Variants in NBEA observed in about 807,000 individuals in gnomAD.
NBEA encodes the protein lysosomal-trafficking regulator 2.
Under a neutral mutation model 343.4 loss-of-function variants are expected in NBEA, and 44 were observed. The ratio of observed to expected loss-of-function variants is 0.13; its 90% confidence interval spans 0.10 to 0.16. The LOEUF is 0.16. Ranked by LOEUF, NBEA falls within the 10% of genes least tolerant of loss-of-function variation. NBEA has a pLI of 1.00. For synonymous variants in NBEA, 1,175 were observed against 1,238.7 expected, an observed-to-expected ratio of 0.95 and a Z score of 1.08; for missense variants, 2,555 against 3,631.3, an observed-to-expected ratio of 0.70 and a Z score of 7.62.
At chr13:35,205,710 T>C (rs1453410907) in intron 31 of NBEA, among the ~76,000 whole-genome samples, 1 of 152,096 alleles carries the variant, frequency 6.6e-6, no homozygotes, top group African/African-American at 2.4e-5. Flanking sequence ...CCAGACTATA[T>C]CAGCACTTTT....
intron 38 of NBEA, among the ~76,000 whole-genome samples, chr13:35,386,075 G>A (rs1409892028): frequency 6.6e-6 from 1 of 151,988 alleles, no homozygotes; most frequent in East Asian, 1.9e-4. Flanking sequence ...TTTATAAATA[G>A]ATAAAATAAA....
chr13:35,290,917 A>G (rs1477218927), intron 35 of NBEA, among the ~76,000 whole-genome samples: 2 of 151,648 alleles, frequency 1.3e-5, no homozygotes, highest in African/African-American at 4.8e-5. Flanking sequence ...CTCTTTTTTA[A>G]ATGTAATTTG....
At chr13:35,422,230 G>C (rs1211971256) in intron 38 of NBEA, among the ~76,000 whole-genome samples, 4 of 150,702 alleles carry the variant, frequency 2.7e-5, no homozygotes, top group African/African-American at 9.7e-5. Context: ...CACGTGCCAT[G>C]TTGGTATGCT....
chr13:35,624,662 A>G (rs35803970), intron 48 of NBEA, among the ~76,000 whole-genome samples: 4,598 of 152,212 alleles, frequency 0.03, 254 homozygotes, highest in African/African-American at 0.11. Context: ...GATAATTAAG[A>G]TAAGGTAATA....
At chr13:35,586,053 C>A (rs939870180) in intron 46 of NBEA, among the ~76,000 whole-genome samples, 2 of 152,152 alleles carry the variant, frequency 1.3e-5, no homozygotes, top group Non-Finnish European at 2.9e-5. Context: ...TAAATTAAAT[C>A]TCTTAATCAA....
At chr13:35,298,237 ATATATATATATG>A (rs1424333266) in intron 35 of NBEA, among the ~76,000 whole-genome samples, 27 of 128,034 alleles carry the variant, frequency 2.1e-4, no homozygotes, top group Non-Finnish European at 2.7e-4. Context: ...ATATATATAT[ATATATATATATG>A]TATATGCTTC....
intron 36 of NBEA, among the ~76,000 whole-genome samples, chr13:35,332,281 G>T (rs1412218365): frequency 6.6e-6 from 1 of 151,984 alleles, no homozygotes; most frequent in Non-Finnish European, 1.5e-5. Flanking sequence ...ATTGGGAGAG[G>T]TCTCTTAGCT....
intron 48 of NBEA, among the ~76,000 whole-genome samples, chr13:35,617,485 C>A (rs2082785902): frequency 6.6e-6 from 1 of 152,118 alleles, no homozygotes; most frequent in Non-Finnish European, 1.5e-5. Flanking sequence ...GGGAAAGCTA[C>A]CTTGTGTGTC....
intron 43 of NBEA, among the ~76,000 whole-genome samples, chr13:35,553,864 G>T (rs1402503178): frequency 6.6e-6 from 1 of 152,160 alleles, no homozygotes; most frequent in African/African-American, 2.4e-5. Context: ...GCTCGAGTTA[G>T]TTCCAAGTTT....
At chr13:35,314,442 A>T (rs1293695162) in intron 36 of NBEA, among the ~76,000 whole-genome samples, 1 of 152,080 alleles carries the variant, frequency 6.6e-6, no homozygotes, top group Non-Finnish European at 1.5e-5. Flanking sequence ...TTCACTGAGG[A>T]CCAACCCCTT....
chr13:35,412,300 C>T (rs17068344), intron 38 of NBEA, among the ~76,000 whole-genome samples: 2,058 of 152,134 alleles, frequency 0.014, 59 homozygotes, highest in African/African-American at 0.047. Flanking sequence ...ACTAAAAGGG[C>T]GCTGACCTTT....
At position 35,110,942 on chromosome 13, in the gene NBEA, C is replaced by A. The variant is rs776361821; in HGVS notation, c.1966C>A (p.Pro656Thr). The A allele has an allele frequency of 1.9e-6, 3 of 1,611,576 alleles. No individual in the cohort carries two copies. Among genetic ancestry groups the A allele is most frequent in the Admixed American group, 3.3e-5 (2 of 59,948 alleles). ...AAAATATTACTACTGGGTTATTAAT[C>A]CTGCTGACAGTAGTGGCATTACACC... ...TLKYYYWVIN[P>T]ADSSGITPKG... The change falls in exon 13 of 59, where the codon CCT becomes ACT. Residue 656 changes from proline to threonine, a missense_variant. Around this residue, in one of 21 missense-constraint regions of NBEA, gnomAD observed 360 missense variants for 519.1 expected, o/e 0.69. Coordinates refer to ENST00000379939, the MANE Select transcript of NBEA (RefSeq NM_001385012.1).
chr13:35,101,692 C>T (rs2065654344), intron 11 of NBEA, among the ~76,000 whole-genome samples: 1 of 151,518 alleles, frequency 6.6e-6, no homozygotes, highest in African/African-American at 2.4e-5. Flanking sequence ...TAAAGTTGAA[C>T]ATATATTTAT....
chr13:35,370,160 A>G (rs2041347512), intron 38 of NBEA, among the ~76,000 whole-genome samples: 1 of 151,942 alleles, frequency 6.6e-6, no homozygotes, highest in Non-Finnish European at 1.5e-5. Context: ...ACTGGAGTCT[A>G]TCGCTCCCTT....
intron 34 of NBEA, among the ~76,000 whole-genome samples, chr13:35,240,492 AC>A (rs1284397649): frequency 1.1e-4 from 16 of 151,888 alleles, no homozygotes; most frequent in African/African-American, 3.4e-4. Flanking sequence ...ATAAAAGCAC[AC>A]CTGATTAAAT....
rs556331712 is a variant in NBEA at position 35,605,721 on chromosome 13, A to C, written c.7297-705A>C. ...AGAAACCTCAAATTAGATGCTGTAC[A>C]TCACACACAAGTTCTCCTTGAATCC... On this transcript the variant is annotated intron_variant, in intron 47 of 58. Coordinates refer to ENST00000379939, the MANE Select transcript of NBEA (RefSeq NM_001385012.1). Among the ~76,000 whole-genome samples, 4 of 152,342 alleles carry C rather than the reference A, an allele frequency of 2.6e-5. No homozygotes were observed. In the South Asian group the frequency reaches 8.3e-4, roughly 32 times the overall value.
intron 40 of NBEA, among the ~76,000 whole-genome samples, chr13:35,463,042 G>A (rs2046990792): frequency 6.6e-6 from 1 of 152,194 alleles, no homozygotes; most frequent in African/African-American, 2.4e-5. Context: ...GGAAACCAGT[G>A]AGATCACCTA....
chr13:35,197,971 T>C (rs1442765554), intron 31 of NBEA, among the ~76,000 whole-genome samples: 1 of 152,104 alleles, frequency 6.6e-6, no homozygotes, highest in Non-Finnish European at 1.5e-5. Context: ...ATTTAGAGAG[T>C]AGTAAGAAGA....
chr13:35,017,892 A>G (rs1051149927), intron 1 of NBEA, among the ~76,000 whole-genome samples: 6 of 152,252 alleles, frequency 3.9e-5, no homozygotes, highest in Non-Finnish European at 7.4e-5. Context: ...GGTTTTGCAG[A>G]TTTAACCCTT....
Sources: gnomAD v4.1 joint callset for allele counts (sites outside exome capture counted in the v4.1 genomes callset) on GRCh38, gnomAD v4.1.1 for gene constraint, gnomAD v4.1.1 regional missense constraint, MANE v1.5 for transcripts, NCBI Gene and HGNC (gene_info 2026-07-23, HGNC 2026-07-21) for gene names.